Variants in TPD52L1 observed in about 807,000 individuals in gnomAD.
TPD52L1 encodes tumor protein D53.
TPD52L1 carries 18 observed loss-of-function variants against 28.7 expected under a neutral mutation model. That is an observed-to-expected ratio of 0.63 (90% confidence interval 0.43 to 0.93). TPD52L1 has a LOEUF of 0.93. Among genes scored for constraint, TPD52L1 ranks in the 40% least tolerant of loss-of-function variants. TPD52L1 has a pLI of 0.00. For missense variants in TPD52L1, 203 were observed against 254.8 expected (o/e 0.80, Z 1.39); for synonymous variants, 75 against 88.8 (o/e 0.84, Z 0.88).
At chr6:125,213,483 C>T (rs780875192) in intron 1 of TPD52L1, among the ~76,000 whole-genome samples, 1 of 152,110 alleles carries the variant, frequency 6.6e-6, no homozygotes, top group East Asian at 1.9e-4. Context: ...AGTTCAGTAG[C>T]CCCTCCGAGC....
At chr6:125,216,527 GTGTATATATATATATATATA>G (rs1202547637) in intron 1 of TPD52L1, among the ~76,000 whole-genome samples, 10 of 40,184 alleles carry the variant, frequency 2.5e-4, no homozygotes, top group South Asian at 3.0e-3. Context: ...CAGTATGTGT[GTGTATATATATATATATATA>G]TATATATATA....
chr6:125,194,589 T>C (rs887936980), intron 1 of TPD52L1, among the ~76,000 whole-genome samples: 1 of 152,172 alleles, frequency 6.6e-6, no homozygotes, highest in African/African-American at 2.4e-5. Flanking sequence ...GTTCTTTCAA[T>C]GTACCTGATA....
intron 4 of TPD52L1, among the ~76,000 whole-genome samples, chr6:125,250,894 A>G (rs143952918): frequency 3.8e-4 from 58 of 152,364 alleles, no homozygotes; most frequent in African/African-American, 1.3e-3. Context: ...GTGTTGCTAG[A>G]TAATCAAATA....
chr6:125,214,473 A>G, intron 1 of TPD52L1: 1 of 983,538 alleles, frequency 1.0e-6, no homozygotes, highest in Admixed American at 6.1e-5. Context: ...GGTAAGTCCT[A>G]GATATCTAAG....
chr6:125,159,899 CAT>C (rs918025352), intron 1 of TPD52L1, among the ~76,000 whole-genome samples: 3 of 152,144 alleles, frequency 2.0e-5, no homozygotes, highest in Non-Finnish European at 4.4e-5. Flanking sequence ...ATAATTCCCA[CAT>C]GTCATGGGAG....
At chr6:125,244,349 A>G (rs7757637) in intron 3 of TPD52L1, among the ~76,000 whole-genome samples, 33,477 of 152,042 alleles carry the variant, frequency 0.22, 4,928 homozygotes, top group African/African-American at 0.42. Flanking sequence ...TGTAATACCC[A>G]ATGGTGGGCT....
intron 1 of TPD52L1, among the ~76,000 whole-genome samples, chr6:125,198,831 G>A (rs1482816635): frequency 6.6e-6 from 1 of 152,138 alleles, no homozygotes; most frequent in Non-Finnish European, 1.5e-5. Context: ...AGTACTACTC[G>A]TATCTAGTTG....
intron 1 of TPD52L1, among the ~76,000 whole-genome samples, chr6:125,162,899 T>C (rs1409027126): frequency 6.6e-6 from 1 of 152,214 alleles, no homozygotes; most frequent in Non-Finnish European, 1.5e-5. Context: ...CATCATGAGG[T>C]AGATACCTTT....
intron 1 of TPD52L1, among the ~76,000 whole-genome samples, chr6:125,200,625 T>C (rs368525739): frequency 6.6e-6 from 1 of 152,360 alleles, no homozygotes; most frequent in South Asian, 2.1e-4. Context: ...CTTTCTCAAC[T>C]TTCTCAATGC....
intron 1 of TPD52L1, among the ~76,000 whole-genome samples, chr6:125,186,596 T>C (rs1423933153): frequency 1.3e-5 from 2 of 152,212 alleles, no homozygotes; most frequent in Non-Finnish European, 2.9e-5. Context: ...TATTGAAGAA[T>C]AAACTGTGAC....
At chr6:125,176,051 C>T (rs1791803387) in intron 1 of TPD52L1, among the ~76,000 whole-genome samples, 1 of 152,050 alleles carries the variant, frequency 6.6e-6, no homozygotes, top group Non-Finnish European at 1.5e-5. Flanking sequence ...TCTTAGATTG[C>T]CATGGACTCT....
At chr6:125,162,058 C>A (rs1200126711) in intron 1 of TPD52L1, among the ~76,000 whole-genome samples, 1 of 152,030 alleles carries the variant, frequency 6.6e-6, no homozygotes, top group African/African-American at 2.4e-5. Flanking sequence ...GAAGTTTAGG[C>A]AATATAATAA....
At chr6:125,260,880 A>G in intron 6 of TPD52L1, 1 of 150,598 alleles carries the variant, frequency 6.6e-6, no homozygotes, top group Non-Finnish European at 1.5e-5. Context: ...AAAGAAAGAA[A>G]GAAAAAGAAA....
chr6:125,168,634 C>CA (rs921995597), intron 1 of TPD52L1, among the ~76,000 whole-genome samples: 4 of 152,036 alleles, frequency 2.6e-5, no homozygotes, highest in African/African-American at 9.7e-5. Context: ...TCTCCCACCC[C>CA]AGCCTCCCAA....
At chr6:125,209,420 T>C (rs749782787) in intron 1 of TPD52L1, among the ~76,000 whole-genome samples, 3 of 152,192 alleles carry the variant, frequency 2.0e-5, no homozygotes, top group African/African-American at 7.2e-5. Context: ...AAATTCCTGA[T>C]TGGTCTCTCC....
chr6:125,233,722 T>C (rs780667712), intron 3 of TPD52L1, among the ~76,000 whole-genome samples: 2 of 152,224 alleles, frequency 1.3e-5, no homozygotes, highest in South Asian at 2.1e-4. Context: ...CTGTAAAATA[T>C]CTTCTTCTAA....
intron 1 of TPD52L1, among the ~76,000 whole-genome samples, chr6:125,178,095 A>T (rs1159553884): frequency 6.6e-6 from 1 of 152,194 alleles, no homozygotes; most frequent in East Asian, 1.9e-4. Flanking sequence ...CTCTCAATAG[A>T]CCATATTCTT....
chr6:125,190,318 A>AT (rs1290362139), intron 1 of TPD52L1, among the ~76,000 whole-genome samples: 1 of 151,980 alleles, frequency 6.6e-6, no homozygotes, highest in Non-Finnish European at 1.5e-5. Context: ...GTTCTAGGTC[A>AT]TTTTTTTCTG....
intron 2 of TPD52L1, among the ~76,000 whole-genome samples, chr6:125,227,749 T>C (rs1022209188): frequency 5.9e-5 from 9 of 152,192 alleles, no homozygotes; most frequent in African/African-American, 2.2e-4. Context: ...AAAGACTTTG[T>C]GATTTATTCA....
Sources: gnomAD v4.1 joint callset for allele counts (sites outside exome capture counted in the v4.1 genomes callset) on GRCh38, gnomAD v4.1.1 for gene constraint, MANE v1.5 for transcripts, NCBI Gene and HGNC (gene_info 2026-07-23, HGNC 2026-07-21) for gene names.